The following OR51C1 variants were observed in gnomAD, a reference collection of about 807,000 sequenced individuals.
The protein encoded by OR51C1 is olfactory receptor OR51C1.
the OR51C1 span, chr11:4,691,092 G>T: frequency 2.2e-6 from 1 of 456,634 alleles, no homozygotes; most frequent in African/African-American, 2.0e-5. Context: ...AGAGAACATG[G>T]CAGTCAGCCC....
chr11:4,691,957 G>A, the OR51C1 span, among the ~76,000 whole-genome samples: 1 of 152,148 alleles, frequency 6.6e-6, no homozygotes, highest in South Asian at 2.1e-4. Flanking sequence ...TGGCAGCTAT[G>A]TTTATATCAT....
the OR51C1 span, among the ~76,000 whole-genome samples, chr11:4,694,346 T>C: frequency 6.6e-6 from 1 of 152,000 alleles, no homozygotes; most frequent in Non-Finnish European, 1.5e-5. Context: ...CATATCTTCC[T>C]GCATCCTTCC....
chr11:4,693,637 A>T, the OR51C1 span, among the ~76,000 whole-genome samples: 1 of 152,108 alleles, frequency 6.6e-6, no homozygotes, highest in African/African-American at 2.4e-5. Context: ...AGGAGAATGG[A>T]GTGAACCTGG....
the OR51C1 span, chr11:4,692,305 T>C: frequency 3.3e-6 from 1 of 305,950 alleles, no homozygotes; most frequent in Non-Finnish European, 6.6e-6. Flanking sequence ...ACCCTTACAA[T>C]ATGATACCCG....
the OR51C1 span, among the ~76,000 whole-genome samples, chr11:4,696,131 G>A: frequency 6.6e-6 from 1 of 152,134 alleles, no homozygotes; most frequent in Non-Finnish European, 1.5e-5. Flanking sequence ...GCATTTTGGA[G>A]AACAAAGCTC....
chr11:4,691,523 T>TG, the OR51C1 span: 1 of 456,864 alleles, frequency 2.2e-6, no homozygotes, highest in South Asian at 1.6e-5. Flanking sequence ...AATAGTACAT[T>TG]GGTTCGTGGA....
the OR51C1 span, chr11:4,692,015 T>G: frequency 6.0e-6 from 2 of 331,598 alleles, no homozygotes; most frequent in East Asian, 1.5e-4. Flanking sequence ...AAACTAAGAA[T>G]AAACACTTTA....
the OR51C1 span, among the ~76,000 whole-genome samples, chr11:4,696,195 G>T: frequency 5.9e-5 from 9 of 152,056 alleles, no homozygotes; most frequent in African/African-American, 2.2e-4. Flanking sequence ...TACCCCTGAG[G>T]GACATCTCTA....
the OR51C1 span, among the ~76,000 whole-genome samples, chr11:4,695,292 C>T: frequency 6.6e-6 from 1 of 152,134 alleles, no homozygotes; most frequent in African/African-American, 2.4e-5. Flanking sequence ...ATTCCTTTCC[C>T]TCTTTAGTAT....
the OR51C1 span, among the ~76,000 whole-genome samples, chr11:4,692,939 G>T: frequency 6.6e-6 from 1 of 152,036 alleles, no homozygotes; most frequent in Non-Finnish European, 1.5e-5. Context: ...TACACGATTT[G>T]GCCAAATAAT....
chr11:4,697,066 AAG>A, the OR51C1 span, among the ~76,000 whole-genome samples: 2 of 152,228 alleles, frequency 1.3e-5, no homozygotes, highest in South Asian at 4.1e-4. Flanking sequence ...ATCATGTGAC[AAG>A]TATTATTAGA....
chr11:4,691,348 C>T, the OR51C1 span: 1 of 457,660 alleles, frequency 2.2e-6, no homozygotes, highest in African/African-American at 2.0e-5. Flanking sequence ...AAAGCCATGG[C>T]CAACAGCACT....
chr11:4,695,246 A>G, the OR51C1 span, among the ~76,000 whole-genome samples: 4 of 152,138 alleles, frequency 2.6e-5, no homozygotes, highest in African/African-American at 9.7e-5. Context: ...TAATAAATAA[A>G]TCATTTTCCA....
chr11:4,692,053 C>A, the OR51C1 span: 1 of 370,490 alleles, frequency 2.7e-6, no homozygotes, highest in South Asian at 2.1e-5. Context: ...ATATTTCATT[C>A]TTTATGGCAT....
At chr11:4,694,109 C>A in the OR51C1 span, among the ~76,000 whole-genome samples, 1 of 152,172 alleles carries the variant, frequency 6.6e-6, no homozygotes, top group Admixed American at 6.5e-5. Flanking sequence ...AATTAAATTG[C>A]TATTTGAATA....
At chr11:4,692,594 A>C in the OR51C1 span, among the ~76,000 whole-genome samples, 1 of 152,342 alleles carries the variant, frequency 6.6e-6, no homozygotes, top group Admixed American at 6.5e-5. Context: ...GAATTGCAGA[A>C]AGGTAGATAG....
the OR51C1 span, among the ~76,000 whole-genome samples, chr11:4,697,340 G>T: frequency 6.6e-6 from 1 of 152,114 alleles, no homozygotes; most frequent in African/African-American, 2.4e-5. Flanking sequence ...GTTCGAAATT[G>T]GTAACTTTTC....
At chr11:4,695,047 G>A in the OR51C1 span, among the ~76,000 whole-genome samples, 5 of 152,086 alleles carry the variant, frequency 3.3e-5, no homozygotes, top group Admixed American at 2.0e-4. Context: ...GGGGTATATC[G>A]AAGTCTTAAA....
chr11:4,693,497 G>A, the OR51C1 span, among the ~76,000 whole-genome samples: 65 of 152,248 alleles, frequency 4.3e-4, no homozygotes, highest in South Asian at 2.1e-3. Flanking sequence ...CGAGGTGGGC[G>A]GATCACGAGG....
Sources: allele counts gnomAD v4.1 joint callset (sites outside exome capture counted in the v4.1 genomes callset), GRCh38; gene constraint gnomAD v4.1.1; transcripts MANE v1.5; gene names NCBI Gene and HGNC (gene_info 2026-07-23, HGNC 2026-07-21).